SYCP2L: variants seen among roughly 807,000 people sequenced by gnomAD.
The protein encoded by SYCP2L is synaptonemal complex protein 2-like.
In SYCP2L, 98 loss-of-function variants were observed where a neutral mutation model predicts 125.8. The observed-to-expected ratio is 0.78, with a 90% CI of 0.66 to 0.92. SYCP2L has a LOEUF of 0.92. Ranked by LOEUF, SYCP2L falls within the 40% of genes least tolerant of loss-of-function variation. The probability of loss-of-function intolerance (pLI) is 0.00; values close to 1 mark genes in which losing one functional copy is unlikely to be tolerated. For synonymous variants in SYCP2L, 317 were observed against 325.4 expected, an observed-to-expected ratio of 0.97 and a Z score of 0.28; for missense variants, 842 against 936.4, an observed-to-expected ratio of 0.90 and a Z score of 1.32.
chr6:10,964,200 G>A (rs560304571), intron 29 of SYCP2L, among the ~76,000 whole-genome samples: 1 of 152,122 alleles, frequency 6.6e-6, no homozygotes, highest in Non-Finnish European at 1.5e-5. Flanking sequence ...CATGTGATCC[G>A]CCTGTCCTGG....
At chr6:10,941,101 G>C (rs1053397232) in intron 21 of SYCP2L, among the ~76,000 whole-genome samples, 1 of 152,218 alleles carries the variant, frequency 6.6e-6, no homozygotes, top group Non-Finnish European at 1.5e-5. Flanking sequence ...CTAGCCGTAT[G>C]TAGAAAGCTG....
At chr6:10,928,004 G>T (rs1780928163) in intron 17 of SYCP2L, among the ~76,000 whole-genome samples, 1 of 152,192 alleles carries the variant, frequency 6.6e-6, no homozygotes, top group African/African-American at 2.4e-5. Context: ...CCGGCGGTCA[G>T]AGTTTAAGGT....
At chr6:10,939,162 C>T (rs897466577) in intron 21 of SYCP2L, among the ~76,000 whole-genome samples, 1 of 149,922 alleles carries the variant, frequency 6.7e-6, no homozygotes, top group Admixed American at 6.7e-5. Context: ...TTACAAAAAA[C>T]ACATAAAAAT....
Position 10,902,745 on chromosome 6 carries a change from C to A in SYCP2L, c.535C>A (p.His179Asn). Reference sequence around the variant, plus strand: ...CCTGGTGACAGAAAAGACTGTAAATCATTTGCTTCAACAGGAGGTGAGTTG... The same window carrying A: ...CCTGGTGACAGAAAAGACTGTAAATAATTTGCTTCAACAGGAGGTGAGTTG... ...GFLVTEKTVN[H>N]LLQQEGLKTF... The change falls in exon 7 of 30, where the codon CAT becomes AAT. Residue 179 changes from histidine (H) to asparagine (N), a missense_variant. His to Asn is a moderately conservative substitution (Grantham distance 68, BLOSUM62 1). Coordinates refer to ENST00000283141, the MANE Select transcript of SYCP2L (RefSeq NM_001040274.3). 1 of 1,614,118 alleles carries A rather than the reference C, an allele frequency of 6.2e-7. No homozygotes were observed. Among genetic ancestry groups the A allele is most frequent in the South Asian group, 1.1e-5 (1 of 91,060 alleles).
chr6:10,955,719 A>G (rs1308406214), intron 24 of SYCP2L, among the ~76,000 whole-genome samples: 1 of 152,210 alleles, frequency 6.6e-6, no homozygotes, highest in African/African-American at 2.4e-5. Context: ...GACTTATGCA[A>G]GCTCTGTTAA....
In SYCP2L at chr6:10,970,127, G is replaced by A. The variant is rs376144213; in HGVS notation, c.*38-3825G>A. Among the ~76,000 whole-genome samples the A allele has an allele frequency of 2.6e-5, 4 of 152,174 alleles. No individual in the cohort carries two copies. In the East Asian group the frequency reaches 7.7e-4, roughly 29 times the overall value. On this transcript the variant is annotated intron_variant, in intron 29 of 29. Coordinates refer to ENST00000283141, the MANE Select transcript of SYCP2L (RefSeq NM_001040274.3). ...TGGATAAGAGAGAGACTCACAGCGT[G>A]GAAGGAGGAAACCAAGTGAAACCTC... is the stretch of plus-strand genomic sequence containing the variant.
chr6:10,926,840 C>T (rs1481607000), intron 16 of SYCP2L, among the ~76,000 whole-genome samples: 2 of 148,098 alleles, frequency 1.4e-5, no homozygotes, highest in Admixed American at 6.9e-5. Context: ...AGTGCAGTGG[C>T]ACGATCTCGG....
intron 21 of SYCP2L, among the ~76,000 whole-genome samples, chr6:10,941,474 CA>C (rs1781218939): frequency 6.6e-6 from 1 of 152,018 alleles, no homozygotes; most frequent in South Asian, 2.1e-4. Flanking sequence ...CAACCCCATC[CA>C]AAAGTGGGCA....
At chr6:10,934,563 C>CT (rs1317799625) in intron 20 of SYCP2L, among the ~76,000 whole-genome samples, 2 of 152,218 alleles carry the variant, frequency 1.3e-5, no homozygotes, top group African/African-American at 4.8e-5. Context: ...GCCTATGATT[C>CT]CAGCTACTCA....
chr6:10,905,901 G>C (rs1780480878), intron 8 of SYCP2L, 119 bp from the exon 9 acceptor site: 1 of 646,944 alleles, frequency 1.5e-6, no homozygotes, highest in Admixed American at 2.6e-5. Context: ...AAATTTTGAT[G>C]CTGAATTTGA....
At position 10,924,491 on chromosome 6, in the gene SYCP2L, C is replaced by G. The variant is rs1780864233; in HGVS notation, c.1073-5C>G. 1 of 1,559,622 alleles carries G rather than the reference C, an allele frequency of 6.4e-7. No homozygotes were observed. Among genetic ancestry groups the G allele is most frequent in the African/African-American group, 1.4e-5 (1 of 71,612 alleles). On this transcript the variant is annotated splice_polypyrimidine_tract_variant and splice_region_variant and intron_variant, in intron 14 of 29. Transcript: ENST00000283141. The stretch of plus-strand genomic sequence containing the variant: ...TATGCATTGATATTCCATATTTTCT[C>G]TTAGAAACGGAGAAGATAAAGATAT...
intron 23 of SYCP2L, 30 bp from the exon 24 acceptor site, chr6:10,955,086 C>G: frequency 2.6e-6 from 4 of 1,511,104 alleles, no homozygotes; most frequent in Non-Finnish European, 3.7e-6. Flanking sequence ...AATTTCGGGT[C>G]AAAAGGAAAT....
At chr6:10,961,694 C>G (rs944287194) in intron 28 of SYCP2L, 136 bp downstream of exon 28, 2 of 794,984 alleles carry the variant, frequency 2.5e-6, no homozygotes, top group Non-Finnish European at 4.1e-6. Context: ...CCGGCCACTT[C>G]TGTGGCACCT....
chr6:10,915,596 TA>T (rs574214567), intron 14 of SYCP2L, among the ~76,000 whole-genome samples: 49 of 152,362 alleles, frequency 3.2e-4, no homozygotes, highest in African/African-American at 1.2e-3. Flanking sequence ...TTTTTGTTTT[TA>T]ATTCTGTTTT....
At chr6:10,898,768 G>C in intron 5 of SYCP2L, 56 bp from the exon 6 acceptor site, 2 of 1,153,408 alleles carry the variant, frequency 1.7e-6, no homozygotes, top group Non-Finnish European at 2.6e-6. Context: ...TCACATTACG[G>C]TTTATCATGC....
intron 29 of SYCP2L, among the ~76,000 whole-genome samples, chr6:10,964,179 G>C (rs913450567): frequency 8.5e-5 from 13 of 152,068 alleles, no homozygotes; most frequent in Non-Finnish European, 1.6e-4. Context: ...GGATGGTCTC[G>C]ATCTCCTGAC....
chr6:10,936,509 A>T (rs1020236003), intron 21 of SYCP2L, among the ~76,000 whole-genome samples: 2 of 152,162 alleles, frequency 1.3e-5, no homozygotes, highest in Non-Finnish European at 2.9e-5. Context: ...ATAGATTAAA[A>T]GGAAGGAAGA....
chr6:10,929,671 A>G (rs1780956187), intron 18 of SYCP2L, among the ~76,000 whole-genome samples: 1 of 152,126 alleles, frequency 6.6e-6, no homozygotes, highest in African/African-American at 2.4e-5. Context: ...GCGGTGGCTC[A>G]CACCCGTAAT....
chr6:10,895,276 C>G (rs1780238361), intron 4 of SYCP2L, among the ~76,000 whole-genome samples: 1 of 150,240 alleles, frequency 6.7e-6, no homozygotes, highest in Non-Finnish European at 1.5e-5. Context: ...ATGAATAGGA[C>G]TTCTTCTGCG....
Sources: allele counts gnomAD v4.1 joint callset (sites outside exome capture counted in the v4.1 genomes callset), GRCh38; gene constraint gnomAD v4.1.1; transcripts MANE v1.5; gene names NCBI Gene and HGNC (gene_info 2026-07-23, HGNC 2026-07-21).